Variants in KCNU1 observed in about 807,000 individuals in gnomAD.
KCNU1 encodes the protein potassium channel subfamily U member 1.
Under a neutral mutation model 126.8 loss-of-function variants are expected in KCNU1, and 93 were observed. That is an observed-to-expected ratio of 0.73 (90% CI 0.62 to 0.87). The LOEUF (loss-of-function observed/expected upper bound fraction) is 0.87. KCNU1 is among the 40% of genes least tolerant of loss of function. The pLI, the probability that KCNU1 is intolerant of heterozygous loss-of-function variation, is 0.00. For missense variants in KCNU1, 1,330 were observed against 1,367.1 expected (o/e 0.97, Z 0.43); for synonymous variants, 523 against 494.2 (o/e 1.06, Z -0.77).
intron 20 of KCNU1, among the ~76,000 whole-genome samples, chr8:36,906,666 T>C (rs1807643910): frequency 6.6e-6 from 1 of 152,180 alleles, no homozygotes; most frequent in Non-Finnish European, 1.5e-5. Flanking sequence ...TTTAGTTCAC[T>C]TTTTTTGATA....
intron 25 of KCNU1, among the ~76,000 whole-genome samples, chr8:36,932,106 G>A (rs1314718546): frequency 2.6e-5 from 4 of 152,126 alleles, no homozygotes; most frequent in Non-Finnish European, 2.9e-5. Flanking sequence ...ATGTCAATGT[G>A]TGCTGCCAAA....
chr8:36,793,184 T>C (rs1364874565), intron 2 of KCNU1, among the ~76,000 whole-genome samples: 1 of 117,538 alleles, frequency 8.5e-6, no homozygotes, highest in East Asian at 2.9e-4. Flanking sequence ...AAGGGGGACA[T>C]CACACACAGG....
intron 19 of KCNU1, among the ~76,000 whole-genome samples, chr8:36,879,947 A>G (rs1389516467): frequency 6.6e-6 from 1 of 152,234 alleles, no homozygotes; most frequent in Non-Finnish European, 1.5e-5. Context: ...CAAGACAAAC[A>G]TAACAATAAA....
intron 18 of KCNU1, among the ~76,000 whole-genome samples, chr8:36,851,336 C>T (rs1805335811): frequency 6.6e-6 from 1 of 151,782 alleles, no homozygotes; most frequent in African/African-American, 2.4e-5. Context: ...AGAGTGAGTT[C>T]TCACAAGTTC....
intron 19 of KCNU1, among the ~76,000 whole-genome samples, chr8:36,870,342 G>A (rs552639248): frequency 6.6e-6 from 1 of 152,216 alleles, no homozygotes; most frequent in East Asian, 1.9e-4. Flanking sequence ...CATGACTCCT[G>A]AGACACCTGT....
chr8:36,927,628 C>A (rs1054027383), intron 24 of KCNU1, among the ~76,000 whole-genome samples: 1 of 152,086 alleles, frequency 6.6e-6, no homozygotes, highest in African/African-American at 2.4e-5. Context: ...AATGTTTGAT[C>A]TTAAGGTCTT....
intron 19 of KCNU1, among the ~76,000 whole-genome samples, chr8:36,901,993 A>G (rs1414216757): frequency 6.6e-6 from 1 of 152,070 alleles, no homozygotes; most frequent in Non-Finnish European, 1.5e-5. Flanking sequence ...GAACATTCCC[A>G]TAGATGATTT....
chr8:36,881,802 ACAC>A (rs1806491303), intron 19 of KCNU1, among the ~76,000 whole-genome samples: 1 of 48,432 alleles, frequency 2.1e-5, no homozygotes. Context: ...CAAATCACAC[ACAC>A]ACACACACAC....
intron 19 of KCNU1, among the ~76,000 whole-genome samples, chr8:36,873,046 T>C (rs1444334902): frequency 6.6e-6 from 1 of 152,116 alleles, no homozygotes; most frequent in Non-Finnish European, 1.5e-5. Context: ...ACCATTGCAC[T>C]CCAGCCTGGG....
At chr8:36,802,555 C>A (rs1433416168) in intron 2 of KCNU1, among the ~76,000 whole-genome samples, 1 of 152,074 alleles carries the variant, frequency 6.6e-6, no homozygotes, top group African/African-American at 2.4e-5. Flanking sequence ...ACTTCTATAA[C>A]CAGCTGAATG....
chr8:36,865,502 A>G (rs1280269724), intron 19 of KCNU1, among the ~76,000 whole-genome samples: 1 of 151,920 alleles, frequency 6.6e-6, no homozygotes, highest in Non-Finnish European at 1.5e-5. Context: ...ATAGCAGCTC[A>G]TGCCTATAAT....
rs143935449 is a variant in KCNU1, at chr8:36,859,451, C to T, written c.1892-4953C>T. On this transcript the variant is annotated intron_variant, in intron 18 of 26. Transcript: ENST00000399881. ...CCACTACTTTCTCCCCGCTACTATA[C>T]TCAATGAGAACCCAGAAGACTTGAG... Among the ~76,000 whole-genome samples the T allele has an allele frequency of 4.6e-3, 696 of 152,238 alleles. 6 individuals are homozygous for T. Among genetic ancestry groups the T allele is most frequent in the Admixed American group, 0.01 (158 of 15,282 alleles).
intron 22 of KCNU1, among the ~76,000 whole-genome samples, chr8:36,916,386 T>C (rs1255518498): frequency 8.5e-6 from 1 of 117,992 alleles, no homozygotes; most frequent in South Asian, 2.6e-4. Context: ...AGGGAGGAAA[T>C]GAGGAAGGGG....
Position 36,818,694 on chromosome 8 carries a change from T to C in KCNU1, c.1106+934T>C, listed in dbSNP as rs551678760. ...GCCAGATTTTGAAATGACATTTTGA[T>C]CTTACGTAGGATTGTATGTAGCATC... On this transcript the variant is annotated intron_variant, in intron 10 of 26. Coordinates refer to ENST00000399881, the MANE Select transcript of KCNU1 (RefSeq NM_001031836.3). Among the ~76,000 whole-genome samples the C allele has an allele frequency of 1.2e-4, 19 of 152,332 alleles. 1 individual carries two copies. In the South Asian group the frequency reaches 3.5e-3, roughly 28 times the overall value.
Position 36,794,206 on chromosome 8 carries a change from A to G in KCNU1, c.315+6781A>G, listed in dbSNP as rs1803010416. 2.0e-5 allele frequency among the ~76,000 whole-genome samples: 3 copies of G among 152,138 alleles called. No individual in the cohort carries two copies. The South Asian group carries it at 6.2e-4, about 32-fold the overall frequency. On this transcript the variant is annotated intron_variant, in intron 2 of 26. Coordinates refer to ENST00000399881, the MANE Select transcript of KCNU1 (RefSeq NM_001031836.3). ...CTTTGTCTCCTTGATGGCCCCACAG[A>G]TTAAATTCCAGCTTTGATTAGAAAG...
intron 2 of KCNU1, among the ~76,000 whole-genome samples, chr8:36,790,055 G>C (rs956204420): frequency 6.6e-6 from 1 of 152,164 alleles, no homozygotes; most frequent in Non-Finnish European, 1.5e-5. Flanking sequence ...GACATGGTCT[G>C]ATTATATTTT....
At chr8:36,803,152 G>T (rs2130400979) in intron 2 of KCNU1, among the ~76,000 whole-genome samples, 1 of 152,196 alleles carries the variant, frequency 6.6e-6, no homozygotes, top group Admixed American at 6.5e-5. Flanking sequence ...GCAGAATCTA[G>T]GAATAAAAAC....
Position 36,884,724 on chromosome 8 carries a change from T to A in KCNU1, c.2009+20203T>A, listed in dbSNP as rs551027763. Among the ~76,000 whole-genome samples, 17 of 151,300 alleles carry A rather than the reference T, an allele frequency of 1.1e-4. 4 individuals carry two copies. The highest frequency in any genetic ancestry group is 4.1e-4 in the African/African-American group (17 of 41,196). ...GGACTTCTGGGTAACAGAGCCTGGG[T>A]AACAGAGTGAGGCTTCATCTCAAAA... On this transcript the variant is annotated intron_variant, in intron 19 of 26. Transcript: ENST00000399881.
At chr8:36,840,429 G>A (rs372052384) in intron 14 of KCNU1, 34 bp from the exon 15 acceptor site, 45 of 1,018,548 alleles carry the variant, frequency 4.4e-5, no homozygotes, top group African/African-American at 4.1e-4. Context: ...ATTCCTTGTC[G>A]TTTTGCTTCG....
Sources: gnomAD v4.1 joint callset for allele counts (sites outside exome capture counted in the v4.1 genomes callset) on GRCh38, gnomAD v4.1.1 for gene constraint, MANE v1.5 for transcripts, NCBI Gene and HGNC (gene_info 2026-07-23, HGNC 2026-07-21) for gene names.